The following DPH6 variants were observed in gnomAD, a reference collection of about 807,000 sequenced individuals.
DPH6 encodes the protein diphthamine biosynthesis 6.
Under a neutral mutation model 38.2 loss-of-function variants are expected in DPH6, and 33 were observed. The observed-to-expected ratio is 0.86, with a 90% CI of 0.65 to 1.15. The LOEUF (loss-of-function observed/expected upper bound fraction) is 1.15. DPH6 is among the 50% of genes most tolerant of loss of function. DPH6 has a pLI of 0.00. For synonymous variants in DPH6, 108 were observed against 103.0 expected (o/e 1.05, Z -0.30); for missense variants, 325 against 320.0 (o/e 1.02, Z -0.12).
chr15:35,504,016 CCT>C (rs1433123730), intron 3 of DPH6, among the ~76,000 whole-genome samples: 1 of 152,050 alleles, frequency 6.6e-6, no homozygotes, highest in Admixed American at 6.6e-5. Context: ...TTGATTTAAC[CCT>C]TTTTAGTGTC....
exon 4 of DPH6, chr15:35,220,348 T>G (rs950130703): frequency 6.6e-6 from 1 of 152,206 alleles, no homozygotes; most frequent in African/African-American, 2.4e-5. Context: ...TTGTTACAAC[T>G]GATGAGTGTC....
chr15:35,165,812 C>G, the DPH6 span, among the ~76,000 whole-genome samples: 1 of 151,836 alleles, frequency 6.6e-6, no homozygotes, highest in East Asian at 1.9e-4. Flanking sequence ...CGAAATTTCA[C>G]GACGGCAATT....
chr15:35,352,283 A>T (rs2052519680), intron 3 of DPH6, among the ~76,000 whole-genome samples: 1 of 151,784 alleles, frequency 6.6e-6, no homozygotes, highest in Admixed American at 6.6e-5. Context: ...GAACTCCTTC[A>T]ATTTTTTTTA....
chr15:35,156,930 G>A, the DPH6 span, among the ~76,000 whole-genome samples: 18,471 of 152,080 alleles, frequency 0.12, 1,417 homozygotes, highest in African/African-American at 0.21. Context: ...TTTCCTGGAG[G>A]AAATGCTTCT....
chr15:35,347,789 TCTC>T (rs1288132266), intron 3 of DPH6, among the ~76,000 whole-genome samples: 1 of 152,018 alleles, frequency 6.6e-6, no homozygotes, highest in Non-Finnish European at 1.5e-5. Flanking sequence ...GGTTCCAATT[TCTC>T]CTCATCTTCA....
chr15:35,527,246 T>C (rs1287748705), intron 3 of DPH6, among the ~76,000 whole-genome samples: 1 of 152,134 alleles, frequency 6.6e-6, no homozygotes, highest in Admixed American at 6.6e-5. Context: ...GGAGAAGACC[T>C]GAGGCTAAAA....
intron 3 of DPH6, among the ~76,000 whole-genome samples, chr15:35,494,022 T>C (rs2054516915): frequency 6.6e-6 from 1 of 152,140 alleles, no homozygotes; most frequent in Non-Finnish European, 1.5e-5. Flanking sequence ...CCACCATTTA[T>C]TAGCTATGTG....
chr15:35,401,466 G>A, intron 6 of DPH6: 1 of 773,880 alleles, frequency 1.3e-6, no homozygotes, highest in Admixed American at 1.7e-5. Flanking sequence ...GTGGTGGACA[G>A]GGTTATGGAA....
At chr15:35,475,939 A>C (rs1459759705) in intron 3 of DPH6, among the ~76,000 whole-genome samples, 1 of 151,954 alleles carries the variant, frequency 6.6e-6, no homozygotes, top group Non-Finnish European at 1.5e-5. Flanking sequence ...AGAATTAATA[A>C]TACAAAACAG....
chr15:35,195,989 A>G, the DPH6 span, among the ~76,000 whole-genome samples: 3 of 152,200 alleles, frequency 2.0e-5, no homozygotes, highest in African/African-American at 7.2e-5. Flanking sequence ...GGTCACAGAT[A>G]GGGTACTGTA....
chr15:35,407,633 A>G (rs1197742496), intron 6 of DPH6, among the ~76,000 whole-genome samples: 1 of 152,012 alleles, frequency 6.6e-6, no homozygotes, highest in Non-Finnish European at 1.5e-5. Context: ...TTCTTTGAGG[A>G]GGTAGCATTT....
chr15:35,289,775 C>T (rs918198000), intron 3 of DPH6, among the ~76,000 whole-genome samples: 3 of 152,066 alleles, frequency 2.0e-5, no homozygotes, highest in Admixed American at 6.6e-5. Context: ...CCTGAAATGT[C>T]AGAACAAAAT....
chr15:35,480,889 A>G (rs1223512089), intron 3 of DPH6, among the ~76,000 whole-genome samples: 1 of 152,124 alleles, frequency 6.6e-6, no homozygotes, highest in Non-Finnish European at 1.5e-5. Flanking sequence ...TAGAATTGTA[A>G]TATCACCATT....
intron 3 of DPH6, among the ~76,000 whole-genome samples, chr15:35,356,435 T>G (rs1173802343): frequency 6.6e-6 from 1 of 152,204 alleles, no homozygotes; most frequent in African/African-American, 2.4e-5. Flanking sequence ...TGGTCTTTGA[T>G]GATGGTGACG....
At chr15:35,483,479 AAAAAAAACC>A (rs2054356278) in intron 3 of DPH6, among the ~76,000 whole-genome samples, 2 of 152,006 alleles carry the variant, frequency 1.3e-5, no homozygotes, top group African/African-American at 4.8e-5. Flanking sequence ...AAAACCAAAA[AAAAAAAACC>A]AAAAAAACCA....
chr15:35,473,113 G>A (rs754017564), intron 3 of DPH6, among the ~76,000 whole-genome samples: 2 of 152,044 alleles, frequency 1.3e-5, no homozygotes, highest in African/African-American at 2.4e-5. Context: ...TAAGATGCTC[G>A]GTTTCAAACT....
chr15:35,479,132 A>G (rs1459137024), intron 3 of DPH6, among the ~76,000 whole-genome samples: 1 of 152,086 alleles, frequency 6.6e-6, no homozygotes, highest in African/African-American at 2.4e-5. Context: ...CTGTGACCAG[A>G]TAATGTATTC....
chr15:35,155,864 T>C, the DPH6 span, among the ~76,000 whole-genome samples: 1 of 152,222 alleles, frequency 6.6e-6, no homozygotes, highest in Non-Finnish European at 1.5e-5. Context: ...AGTAGACCAC[T>C]ATTTTTTAAA....
At chr15:35,465,549 A>G (rs977976142) in intron 3 of DPH6, among the ~76,000 whole-genome samples, 33 of 152,330 alleles carry the variant, frequency 2.2e-4, no homozygotes, top group African/African-American at 7.7e-4. Flanking sequence ...AACCAAAGAA[A>G]TGAATATTAT....
Sources: gnomAD v4.1 joint callset for allele counts (sites outside exome capture counted in the v4.1 genomes callset) on GRCh38, gnomAD v4.1.1 for gene constraint, MANE v1.5 for transcripts, NCBI Gene and HGNC (gene_info 2026-07-23, HGNC 2026-07-21) for gene names.